The following SPART variants were observed in gnomAD, a reference collection of about 807,000 sequenced individuals.
SPART encodes the protein spastic paraplegia 20 (Troyer syndrome).
In SPART, 35 loss-of-function variants were observed where a neutral mutation model predicts 58.7. The observed-to-expected ratio is 0.60, with a 90% CI of 0.46 to 0.79. SPART has a LOEUF of 0.79. SPART is among the 30% of genes least tolerant of loss of function. The pLI, the probability that SPART is intolerant of heterozygous loss-of-function variation, is 0.00. For missense variants in SPART, 730 were observed against 786.1 expected, an observed-to-expected ratio of 0.93 and a Z score of 0.85; for synonymous variants, 284 against 280.7, an observed-to-expected ratio of 1.01 and a Z score of -0.12.
chr13:36,365,592 G>T (rs199938032), intron 1 of SPART: 18 of 469,326 alleles, frequency 3.8e-5, no homozygotes, highest in Non-Finnish European at 6.6e-5. Flanking sequence ...CACAGATGAA[G>T]GATATTGGTC....
chr13:36,344,551 T>C (rs961258853), intron 1 of SPART, among the ~76,000 whole-genome samples: 3 of 152,172 alleles, frequency 2.0e-5, no homozygotes, highest in Admixed American at 6.5e-5. Flanking sequence ...CTGGGGAATC[T>C]CAACACAGAA....
intron 3 of SPART, among the ~76,000 whole-genome samples, chr13:36,330,197 G>A (rs1883328812): frequency 1.3e-5 from 2 of 152,192 alleles, no homozygotes; most frequent in Admixed American, 6.5e-5. Context: ...CATTAGGTCT[G>A]TGAATACTTA....
At chr13:36,342,436 T>G (rs1349500653) in intron 1 of SPART, among the ~76,000 whole-genome samples, 1 of 152,204 alleles carries the variant, frequency 6.6e-6, no homozygotes, top group Non-Finnish European at 1.5e-5. Flanking sequence ...TATCTGGCAC[T>G]TAACAAAAAA....
At chr13:36,334,440 A>AT (rs34463694) in intron 2 of SPART, among the ~76,000 whole-genome samples, 2 of 151,568 alleles carry the variant, frequency 1.3e-5, no homozygotes, top group Non-Finnish European at 2.9e-5. Flanking sequence ...GGGCAGGATA[A>AT]TTTTTTTTTG....
intron 6 of SPART, among the ~76,000 whole-genome samples, chr13:36,313,195 C>A (rs1463867917): frequency 1.3e-5 from 2 of 152,206 alleles, no homozygotes; most frequent in South Asian, 4.2e-4. Flanking sequence ...TCCCTCTTGA[C>A]CCTCAACTGC....
At chr13:36,366,926 G>C (rs938795916) in intron 1 of SPART, among the ~76,000 whole-genome samples, 2 of 152,194 alleles carry the variant, frequency 1.3e-5, no homozygotes, top group Non-Finnish European at 2.9e-5. Context: ...AAATGGTGCT[G>C]TAAACTGAAC....
intron 1 of SPART, among the ~76,000 whole-genome samples, chr13:36,341,719 T>C (rs891194516): frequency 2.0e-5 from 3 of 152,218 alleles, no homozygotes; most frequent in Non-Finnish European, 4.4e-5. Context: ...AATATAACTA[T>C]ACTTTCTAAC....
intron 2 of SPART, among the ~76,000 whole-genome samples, chr13:36,334,554 A>G (rs1314804084): frequency 6.6e-6 from 1 of 152,110 alleles, no homozygotes; most frequent in African/African-American, 2.4e-5. Context: ...ATGCCTCCAG[A>G]CATTGTCAAA....
At chr13:36,332,115 A>G (rs1382163511) in intron 2 of SPART, among the ~76,000 whole-genome samples, 1 of 152,186 alleles carries the variant, frequency 6.6e-6, no homozygotes, top group Non-Finnish European at 1.5e-5. Flanking sequence ...AGTCGCCCAG[A>G]ACCAACAACT....
rs1389478913 is a variant in SPART, at chr13:36,335,052, G to GT, written c.778dup (p.Thr260AsnfsTer14). 6 of 1,613,880 alleles carry GT rather than the reference G, an allele frequency of 3.7e-6. No homozygotes were observed. Among genetic ancestry groups the GT allele is most frequent in the Non-Finnish European group, 5.1e-6 (6 of 1,179,996 alleles). On this transcript the variant is annotated frameshift_variant, in exon 2 of 9. Coordinates refer to ENST00000438666, the MANE Select transcript of SPART (RefSeq NM_015087.5). LOFTEE classifies it high-confidence loss of function. The stretch of plus-strand genomic sequence containing the variant: ...AAACCCGGGAGGACGGTTTAGAACC[G>GT]TATCGAGAGAATTATCCAAAAACCT...
At chr13:36,314,699 A>T (rs909577148) in intron 5 of SPART, among the ~76,000 whole-genome samples, 9 of 152,204 alleles carry the variant, frequency 5.9e-5, no homozygotes, top group African/African-American at 2.2e-4. Flanking sequence ...CACAAACAGT[A>T]TCTCTATATG....
At chr13:36,342,510 A>AT (rs1393061986) in intron 1 of SPART, among the ~76,000 whole-genome samples, 1 of 152,126 alleles carries the variant, frequency 6.6e-6, no homozygotes, top group Non-Finnish European at 1.5e-5. Context: ...AATCCTCTAA[A>AT]TCAGGGTTTC....
intron 5 of SPART, among the ~76,000 whole-genome samples, chr13:36,317,781 T>C (rs1170839654): frequency 6.6e-6 from 1 of 152,136 alleles, no homozygotes; most frequent in Non-Finnish European, 1.5e-5. Context: ...ACTCACACCT[T>C]ACCTAAAACC....
chr13:36,304,476 T>G lies in SPART; in HGVS notation c.1890A>C (p.Ile630=), dbSNP rs746369154. The part of the protein sequence containing the change: ...TGHTLLEDYQ[I]VDNSQRENQE... Reference sequence around the variant, plus strand: ...GATTTTCCCTCTGAGAATTATCAACTATCTGATAGTCCTCAAGGAGAGTGT... The same window carrying G: ...GATTTTCCCTCTGAGAATTATCAACGATCTGATAGTCCTCAAGGAGAGTGT... Residue 630 remains isoleucine, a synonymous_variant, in exon 9 of 9, where the codon ATA becomes ATC. Coordinates refer to ENST00000438666, the MANE Select transcript of SPART (RefSeq NM_015087.5). The G allele has an allele frequency of 6.2e-7, 1 of 1,614,058 alleles. No individual in the cohort carries two copies. Among genetic ancestry groups the G allele is most frequent in the African/African-American group, 1.3e-5 (1 of 74,934 alleles).
At chr13:36,337,544 A>C (rs1021088161) in intron 1 of SPART, among the ~76,000 whole-genome samples, 1 of 152,190 alleles carries the variant, frequency 6.6e-6, no homozygotes, top group African/African-American at 2.4e-5. Flanking sequence ...CTTTCCTGCC[A>C]TCATGTGAAG....
intron 2 of SPART, among the ~76,000 whole-genome samples, chr13:36,332,602 G>A (rs903233909): frequency 1.3e-5 from 2 of 152,196 alleles, no homozygotes; most frequent in Non-Finnish European, 2.9e-5. Flanking sequence ...TAACAGAATA[G>A]ATTAAGTTAA....
chr13:36,306,000 G>C (rs1594112331), intron 8 of SPART, among the ~76,000 whole-genome samples: 1 of 152,154 alleles, frequency 6.6e-6, no homozygotes, highest in Non-Finnish European at 1.5e-5. Flanking sequence ...CGGCTTGTTT[G>C]TGCTTGGCTT....
chr13:36,344,393 G>A (rs1884860649), intron 1 of SPART, among the ~76,000 whole-genome samples: 1 of 152,048 alleles, frequency 6.6e-6, no homozygotes, highest in African/African-American at 2.4e-5. Context: ...TGTGTGTAGG[G>A]GTGGAGTGGG....
rs1014272069 is a variant in SPART, at chr13:36,312,167, T to C, written c.1711A>G (p.Thr571Ala). 2.5e-6 allele frequency: 4 copies of C among 1,614,020 alleles called. No homozygotes were observed. The highest frequency in any genetic ancestry group is 3.4e-6 in the Non-Finnish European group (4 of 1,179,866). Residue 571 changes from threonine (T) to alanine (A), a missense_variant, in exon 8 of 9, where the codon ACT becomes GCT. Coordinates refer to ENST00000438666, the MANE Select transcript of SPART (RefSeq NM_015087.5). ...TACTTGTATCTGACAGTTTGTACAG[T>C]TTCTGCTGAAACATTGTTAACGATG... ...KCIVNNVSAE[T>A]VQTVRYKYGY...
Sources: gnomAD v4.1 joint callset for allele counts (sites outside exome capture counted in the v4.1 genomes callset) on GRCh38, gnomAD v4.1.1 for gene constraint, MANE v1.5 for transcripts, NCBI Gene and HGNC (gene_info 2026-07-23, HGNC 2026-07-21) for gene names.